The following ERICH3 variants were observed in gnomAD, a reference collection of about 807,000 sequenced individuals.
The protein encoded by ERICH3 is glutamate rich 3, also known as glutamate-rich protein 3.
In ERICH3, 126 loss-of-function variants were observed where a neutral mutation model predicts 131.1. The observed-to-expected ratio is 0.96, with a 90% CI of 0.83 to 1.11. ERICH3 has a LOEUF of 1.11. ERICH3 is among the 50% of genes most tolerant of loss of function. ERICH3 has a pLI of 0.00. For missense variants in ERICH3, 2,050 were observed against 1,810.7 expected (o/e 1.13, Z -2.40); for synonymous variants, 695 against 644.6 (o/e 1.08, Z -1.18).
rs1646979946 is a variant in ERICH3 at position 74,572,799 on chromosome 1, C to A, written c.2911G>T (p.Glu971Ter). 1.9e-6 allele frequency: 3 copies of A among 1,613,900 alleles called. No homozygotes were observed. The highest frequency in any genetic ancestry group is 2.5e-6 in the Non-Finnish European group (3 of 1,180,000). ...DTASKREDGS[E>*]EAILGGEEPA... ...TCCTCTCCCCCAAGAATTGCCTCTT[C>A]AGAACCGTCCTCTCTCTTTGATGCT... Residue 971 changes from glutamate to a stop codon, truncating the protein, a stop_gained, in exon 14 of 15, where the codon GAA becomes TAA. Coordinates refer to ENST00000326665, the MANE Select transcript of ERICH3 (RefSeq NM_001002912.5). LOFTEE classifies it high-confidence loss of function.
At chr1:74,655,719 T>C (rs573765787) in intron 1 of ERICH3, among the ~76,000 whole-genome samples, 2 of 152,286 alleles carry the variant, frequency 1.3e-5, no homozygotes, top group African/African-American at 4.8e-5. Context: ...ATGGACATCT[T>C]TGAGGGCCAT....
chr1:74,614,367 TAAAA>T (rs58516429), intron 8 of ERICH3, among the ~76,000 whole-genome samples: 2 of 114,946 alleles, frequency 1.7e-5, no homozygotes, highest in Admixed American at 8.9e-5. Flanking sequence ...ATTTTTTCCC[TAAAA>T]AAAAAAAAAA....
chr1:74,662,809 G>A (rs1271370796), intron 1 of ERICH3, among the ~76,000 whole-genome samples: 2 of 152,084 alleles, frequency 1.3e-5, no homozygotes, highest in Admixed American at 1.3e-4. Context: ...CTACTGCAGT[G>A]ATGACTGAAA....
In ERICH3 at chr1:74,573,003, C is replaced by T; in HGVS notation, c.2707G>A (p.Val903Met). 2.5e-6 allele frequency: 4 copies of T among 1,614,178 alleles called. No homozygotes were observed. Among genetic ancestry groups the T allele is most frequent in the South Asian group, 1.1e-5 (1 of 91,082 alleles). The change falls in exon 14 of 15, where the codon GTG (valine) becomes ATG (methionine). Residue 903 changes from valine (V) to methionine (M), a missense_variant. Coordinates refer to ENST00000326665, the MANE Select transcript of ERICH3 (RefSeq NM_001002912.5). ...AGGGCTGCTGCTTCATTTGCAAGCA[C>T]TGCCTTCTCTAAACCCTGTTCCCCT... ...SEGEQGLEKAVLANEAAALNL... is the reference protein window; with the variant it reads ...SEGEQGLEKAMLANEAAALNL...
At chr1:74,606,968 T>C (rs1641666066) in intron 9 of ERICH3, 66 bp from the exon 10 acceptor site, 1 of 1,410,410 alleles carries the variant, frequency 7.1e-7, no homozygotes, top group Non-Finnish European at 9.6e-7. Context: ...ACCTCAAAGC[T>C]TTTGAAAGCA....
chr1:74,583,625 G>A (rs1194041544), intron 12 of ERICH3, among the ~76,000 whole-genome samples: 1 of 152,014 alleles, frequency 6.6e-6, no homozygotes, highest in Admixed American at 6.6e-5. Flanking sequence ...AGTGTCTGAG[G>A]GGTTTGGGCA....
intron 13 of ERICH3, 95 bp from the exon 14 acceptor site, chr1:74,573,586 G>A: frequency 7.7e-7 from 1 of 1,299,560 alleles, no homozygotes; most frequent in Non-Finnish European, 9.9e-7. Flanking sequence ...TACAGTGTGA[G>A]ATATTTATAT....
At chr1:74,630,611 A>G (rs1159770231) in intron 7 of ERICH3, among the ~76,000 whole-genome samples, 2 of 152,184 alleles carry the variant, frequency 1.3e-5, no homozygotes. Flanking sequence ...AAACTGCTCT[A>G]TAGAGAACTT....
intron 8 of ERICH3, among the ~76,000 whole-genome samples, chr1:74,616,641 G>A (rs1377361522): frequency 2.6e-5 from 4 of 152,072 alleles, no homozygotes; most frequent in South Asian, 4.2e-4. Context: ...AATAATTCAT[G>A]ACCACCCAGA....
intron 1 of ERICH3, among the ~76,000 whole-genome samples, chr1:74,667,224 T>A (rs1340419835): frequency 6.6e-6 from 1 of 152,160 alleles, no homozygotes; most frequent in Non-Finnish European, 1.5e-5. Context: ...ACATAATATA[T>A]CATTTAGGAT....
rs1277521854 is a variant in ERICH3 at position 74,591,435 on chromosome 1, G to A, written c.1727-1355C>T. Among the ~76,000 whole-genome samples, 4 of 152,234 alleles carry A rather than the reference G, an allele frequency of 2.6e-5. No homozygotes were observed. The East Asian group carries it at 7.7e-4, about 29-fold the overall frequency. On this transcript the variant is annotated intron_variant, in intron 11 of 14. Coordinates refer to ENST00000326665, the MANE Select transcript of ERICH3 (RefSeq NM_001002912.5). ...CGGAAAAGTCAGACATTAGCTATGG[G>A]CCACCCTAGGGGGAATGTAAACTCT...
At chr1:74,643,965 A>G (rs139232039) in intron 3 of ERICH3, among the ~76,000 whole-genome samples, 3 of 152,246 alleles carry the variant, frequency 2.0e-5, no homozygotes, top group East Asian at 3.9e-4. Flanking sequence ...GAGGAATTGT[A>G]TGTAATTATT....
intron 10 of ERICH3, among the ~76,000 whole-genome samples, chr1:74,600,318 G>A (rs1275190088): frequency 6.6e-6 from 1 of 151,816 alleles, no homozygotes; most frequent in Non-Finnish European, 1.5e-5. Context: ...ATCCAGTGAG[G>A]TCATATTTCA....
intron 12 of ERICH3, among the ~76,000 whole-genome samples, chr1:74,583,919 C>A (rs1207320144): frequency 6.6e-6 from 1 of 152,082 alleles, no homozygotes; most frequent in Non-Finnish European, 1.5e-5. Flanking sequence ...TGTTAAGAAT[C>A]CTGAGCAACT....
intron 7 of ERICH3, chr1:74,621,411 A>T (rs916133668): frequency 1.3e-5 from 2 of 152,336 alleles, no homozygotes; most frequent in African/African-American, 4.8e-5. Context: ...CACTGACAAC[A>T]CATCCTTCCC....
At chr1:74,598,935 G>A (rs1366624560) in intron 11 of ERICH3, among the ~76,000 whole-genome samples, 3 of 151,642 alleles carry the variant, frequency 2.0e-5, no homozygotes, top group Non-Finnish European at 2.9e-5. Flanking sequence ...CAATAAATTG[G>A]CATACCATAA....
intron 9 of ERICH3, among the ~76,000 whole-genome samples, chr1:74,611,923 A>G (rs1648714992): frequency 6.6e-6 from 1 of 152,170 alleles, no homozygotes; most frequent in Non-Finnish European, 1.5e-5. Context: ...GTACGTTATT[A>G]GCTTTTCCTC....
At chr1:74,581,551 G>A (rs893212075) in intron 12 of ERICH3, among the ~76,000 whole-genome samples, 3 of 151,956 alleles carry the variant, frequency 2.0e-5, no homozygotes, top group African/African-American at 7.3e-5. Flanking sequence ...CAATTTTTCT[G>A]GTGAGAGTTA....
intron 12 of ERICH3, among the ~76,000 whole-genome samples, chr1:74,584,201 G>C (rs1647234787): frequency 6.6e-6 from 1 of 152,144 alleles, no homozygotes; most frequent in South Asian, 2.1e-4. Flanking sequence ...AAAATACCAG[G>C]ATTAATTACA....
Sources: allele counts gnomAD v4.1 joint callset (sites outside exome capture counted in the v4.1 genomes callset), GRCh38; gene constraint gnomAD v4.1.1; transcripts MANE v1.5; gene names NCBI Gene and HGNC (gene_info 2026-07-23, HGNC 2026-07-21).